NKD1: variants seen among roughly 807,000 people sequenced by gnomAD.
The protein encoded by NKD1 is NKD inhibitor of Wnt signaling pathway 1.
NKD1 carries 21 observed loss-of-function variants against 56.0 expected under a neutral mutation model. The observed-to-expected ratio is 0.38, with a 90% CI of 0.27 to 0.54. NKD1 has a LOEUF of 0.54. Ranked by LOEUF, NKD1 falls within the 20% of genes least tolerant of loss-of-function variation. The pLI is 0.82. For missense variants in NKD1, 578 were observed against 642.7 expected, an observed-to-expected ratio of 0.90 and a Z score of 1.09; for synonymous variants, 263 against 265.7, an observed-to-expected ratio of 0.99 and a Z score of 0.10.
At position 50,634,296 on chromosome 16, in the gene NKD1, G is replaced by A. The variant is rs1962420923; in HGVS notation, c.*515G>A. On this transcript the variant is annotated 3_prime_UTR_variant, in exon 10 of 10. Coordinates refer to ENST00000268459, the MANE Select transcript of NKD1 (RefSeq NM_033119.5). Reference sequence around the variant, plus strand: ...TTTCAGTGGACTGCAGAGTGCGAACGTCTTGCTGTTGTGTTTTTATGTCCC... The same window carrying A: ...TTTCAGTGGACTGCAGAGTGCGAACATCTTGCTGTTGTGTTTTTATGTCCC... 6.5e-6 allele frequency: 1 copy of A among 152,866 alleles called. No individual in the cohort carries two copies. Among genetic ancestry groups the A allele is most frequent in the Admixed American group, 6.5e-5 (1 of 15,286 alleles). The allele number at this position is 152,866 out of a possible 1,614,324, so 9.5% of individuals were successfully genotyped here.
At chr16:50,618,400 G>A (rs1326346732) in intron 4 of NKD1, among the ~76,000 whole-genome samples, 1 of 152,204 alleles carries the variant, frequency 6.6e-6, no homozygotes, top group Non-Finnish European at 1.5e-5. Flanking sequence ...TGGGTGGCCT[G>A]CAGCGAGCAC....
chr16:50,550,003 T>C (rs113002051), intron 3 of NKD1, among the ~76,000 whole-genome samples: 275 of 152,204 alleles, frequency 1.8e-3, no homozygotes, highest in African/African-American at 6.0e-3. Flanking sequence ...CATTCATCAG[T>C]ACCACCTGTA....
At chr16:50,619,286 G>T (rs2151278287) in intron 4 of NKD1, among the ~76,000 whole-genome samples, 1 of 152,160 alleles carries the variant, frequency 6.6e-6, no homozygotes, top group African/African-American at 2.4e-5. Context: ...GCAGTTTGGG[G>T]TCAAGCAGGA....
At position 50,598,783 on chromosome 16, in the gene NKD1, G is replaced by C. The variant is rs1452389154; in HGVS notation, c.193-9511G>C. On this transcript the variant is annotated intron_variant, in intron 3 of 9. Transcript: ENST00000268459. The surrounding 1 kb of genome is among the most constrained non-coding windows in gnomAD (Gnocchi z 4.2). ...GGTGGCATGGTGGGGCCAGTGGTGT[G>C]GTGGGCAGTGGTGTGGCAGGATCAG... 6.6e-6 allele frequency among the ~76,000 whole-genome samples: 1 copy of C among 152,138 alleles called. No homozygotes were observed. The highest frequency in any genetic ancestry group is 1.9e-4 in the East Asian group (1 of 5,180).
intron 3 of NKD1, among the ~76,000 whole-genome samples, chr16:50,578,696 T>A (rs938748767): frequency 1.3e-5 from 2 of 152,164 alleles, no homozygotes; most frequent in Non-Finnish European, 2.9e-5. Flanking sequence ...GCATTCCATC[T>A]CCTATGATTC....
At chr16:50,621,543 C>A in intron 4 of NKD1, 59 bp from the exon 5 acceptor site, 1 of 1,257,640 alleles carries the variant, frequency 8.0e-7, no homozygotes, top group Non-Finnish European at 1.1e-6. Flanking sequence ...GTGCAGTGAG[C>A]ATGGCTGCCC....
At chr16:50,587,744 C>T (rs1207429497) in intron 3 of NKD1, among the ~76,000 whole-genome samples, 1 of 152,204 alleles carries the variant, frequency 6.6e-6, no homozygotes, top group Non-Finnish European at 1.5e-5. Context: ...GGGTACAGGT[C>T]TGTGGCCTAT....
At chr16:50,605,772 G>A (rs1230269629) in intron 3 of NKD1, among the ~76,000 whole-genome samples, 4 of 152,162 alleles carry the variant, frequency 2.6e-5, no homozygotes, top group African/African-American at 9.7e-5. Flanking sequence ...GGAACCAGTC[G>A]CCCACAGGTA....
In NKD1 at chr16:50,635,586, T is replaced by C. The variant is rs1962449350; in HGVS notation, c.*1805T>C. The stretch of plus-strand genomic sequence containing the variant: ...AAGGTAGTGGGCTTAGTTGTCACCG[T>C]ATTCTTAATTTTATTAATGACTGAT... On this transcript the variant is annotated 3_prime_UTR_variant, in exon 10 of 10. Coordinates refer to ENST00000268459, the MANE Select transcript of NKD1 (RefSeq NM_033119.5). The surrounding 1 kb of genome is among the most constrained non-coding windows in gnomAD (Gnocchi z 4.1). The C allele has an allele frequency of 6.6e-6, 1 of 152,258 alleles. No homozygotes were observed. Among genetic ancestry groups the C allele is most frequent in the Non-Finnish European group, 1.5e-5 (1 of 68,052 alleles). 9.4% of individuals were successfully genotyped at this position (152,258 alleles called of 1,614,324 possible). A position where few individuals can be genotyped will look rare whatever the true frequency, so the allele number is the denominator to read the frequency against.
In NKD1 at chr16:50,621,584, C is replaced by A. The variant is rs766585423; in HGVS notation, c.260-18C>A. The A allele has an allele frequency of 1.4e-5, 23 of 1,595,968 alleles. No individual in the cohort carries two copies. The highest frequency in any genetic ancestry group is 1.7e-5 in the Non-Finnish European group (20 of 1,164,970). ...CTGGACCCTGCTCCTAATGCTCCCT[C>A]GCCTGCCTCCCCGACAGTGGCCCTG... On this transcript the variant is annotated intron_variant, in intron 4 of 9. Coordinates refer to ENST00000268459, the MANE Select transcript of NKD1 (RefSeq NM_033119.5).
rs1962406578 is a variant in NKD1 at position 50,633,727 on chromosome 16, G to T, written c.1359G>T (p.Glu453Asp). ...CCGGGCAGCCGGTCCAGAGACATGA[G>T]CACCACCACCACCATGAACATCACC... The part of the protein sequence containing the change: ...SQAGQPVQRH[E>D]HHHHHEHHHH... Residue 453 changes from glutamate to aspartate, a missense_variant, in exon 10 of 10, where the codon GAG becomes GAT. Transcript: ENST00000268459. The surrounding 1 kb of genome is among the most constrained non-coding windows in gnomAD (Gnocchi z 4.9). 2 of 1,569,670 alleles carry T rather than the reference G, an allele frequency of 1.3e-6. No homozygotes were observed. Among genetic ancestry groups the T allele is most frequent in the East Asian group, 2.3e-5 (1 of 42,710 alleles).
chr16:50,560,631 T>G lies in NKD1; in HGVS notation c.192+11076T>G, dbSNP rs558645525. Among the ~76,000 whole-genome samples, 358 of 149,846 alleles carry G rather than the reference T, an allele frequency of 2.4e-3. 2 individuals are homozygous for G. Among genetic ancestry groups the G allele is most frequent in the African/African-American group, 4.0e-3 (165 of 41,078 alleles). On this transcript the variant is annotated intron_variant, in intron 3 of 9. Transcript: ENST00000268459. ...CCATCTTAAATCAGTTTAGGCGAGT[T>G]TTTTTTTTTTTTTCAACTGTATGTC... is the stretch of plus-strand genomic sequence containing the variant.
intron 3 of NKD1, among the ~76,000 whole-genome samples, chr16:50,595,405 G>C (rs1961451489): frequency 1.3e-5 from 2 of 152,290 alleles, no homozygotes; most frequent in East Asian, 3.9e-4. Context: ...CAGAGGGGCT[G>C]GGTCCTTCTT....
At chr16:50,568,357 G>A (rs941657200) in intron 3 of NKD1, among the ~76,000 whole-genome samples, 17 of 152,350 alleles carry the variant, frequency 1.1e-4, no homozygotes, top group South Asian at 2.1e-4. Context: ...AGCCTATGGG[G>A]GGCCCCAGCT....
rs1403859677 is a variant in NKD1, at chr16:50,638,970, T to G, written c.*5189T>G. On this transcript the variant is annotated 3_prime_UTR_variant, in exon 10 of 10. Transcript: ENST00000268459. Reference sequence around the variant, plus strand: ...GATCCCTATCTAGACATGAGGCCCTTTAGACATGACTTTGGCATTGACCAG... The same window carrying G: ...GATCCCTATCTAGACATGAGGCCCTGTAGACATGACTTTGGCATTGACCAG... 6.6e-6 allele frequency: 1 copy of G among 152,250 alleles called. No individual in the cohort carries two copies. Among genetic ancestry groups the G allele is most frequent in the Non-Finnish European group, 1.5e-5 (1 of 68,084 alleles). The allele number at this position is 152,250 out of a possible 1,614,324, so 9.4% of individuals were successfully genotyped here.
chr16:50,573,326 T>C (rs1052270927), intron 3 of NKD1, among the ~76,000 whole-genome samples: 3 of 151,784 alleles, frequency 2.0e-5, no homozygotes, highest in East Asian at 3.9e-4. Context: ...GGAGGGTTGC[T>C]ATGGAGACCT....
rs1962092605 is a variant in NKD1 at position 50,621,646 on chromosome 16, GAGA to G, written c.311_313del (p.Lys104del). Reference sequence around the variant, plus strand: ...GACTGACGGGCTGGGCAGCGGAGATGAGAAGAAGATGGAGAGAGTGAGCGAACC... The same window carrying G: ...GACTGACGGGCTGGGCAGCGGAGATGAGAAGATGGAGAGAGTGAGCGAACC... On this transcript the variant is annotated inframe_deletion, in exon 5 of 10. Coordinates refer to ENST00000268459, the MANE Select transcript of NKD1 (RefSeq NM_033119.5). 1.9e-6 allele frequency: 3 copies of G among 1,613,976 alleles called. No homozygotes were observed. Among genetic ancestry groups the G allele is most frequent in the Admixed American group, 3.3e-5 (2 of 59,986 alleles).
intron 3 of NKD1, chr16:50,571,565 A>C: frequency 1.0e-6 from 1 of 983,036 alleles, no homozygotes; most frequent in Non-Finnish European, 1.2e-6. Flanking sequence ...CGGGCTCTCC[A>C]TTCATCTGTT....
chr16:50,557,874 G>C (rs899609349), intron 3 of NKD1: 1 of 152,246 alleles, frequency 6.6e-6, no homozygotes, highest in Non-Finnish European at 1.5e-5. Context: ...TGTGAGTAGG[G>C]ATTTGAAGAA....
Sources: gnomAD v4.1 joint callset for allele counts (sites outside exome capture counted in the v4.1 genomes callset) on GRCh38, gnomAD v4.1.1 for gene constraint, Gnocchi (gnomAD v3.1) non-coding constraint, MANE v1.5 for transcripts, NCBI Gene and HGNC (gene_info 2026-07-23, HGNC 2026-07-21) for gene names.